Variants in THTPA observed in about 807,000 individuals in gnomAD.
THTPA encodes the protein thiamine triphosphatase, also known as thiamine-triphosphatase.
Under a neutral mutation model 16.5 loss-of-function variants are expected in THTPA, and 16 were observed. The observed-to-expected ratio is 0.97, with a 90% CI of 0.66 to 1.47. THTPA has a LOEUF of 1.47. Ranked by LOEUF, THTPA falls within the 40% of genes most tolerant of loss-of-function variation. The pLI is 0.00. For synonymous variants in THTPA, 110 were observed against 115.5 expected (o/e 0.95, Z 0.30); for missense variants, 281 against 280.9 (o/e 1.00, Z 0.00).
chr14:23,528,754 GAAA>G, the THTPA span: 1 of 985,266 alleles, frequency 1.0e-6, no homozygotes, highest in Non-Finnish European at 1.2e-6. Context: ...AGTGGCCCAG[GAAA>G]ATTCTGGCCC....
chr14:23,525,522 G>A, the THTPA span: 1 of 1,535,730 alleles, frequency 6.5e-7, no homozygotes, highest in Non-Finnish European at 8.7e-7. This position sits in a 1 kb window ranked among gnomAD's most constrained non-coding sequence, Gnocchi z 5.9. Context: ...CCACCCCCGA[G>A]GGCCTCAGGT....
At chr14:23,522,295 C>T in the THTPA span, 2 of 1,508,630 alleles carry the variant, frequency 1.3e-6, no homozygotes, top group Admixed American at 2.0e-5. Context: ...CCGGGGCCTC[C>T]CCGTCAAATG....
chr14:23,557,019 A>G lies in THTPA; in HGVS notation c.262A>G (p.Ile88Val), dbSNP rs779015745. 2 of 1,614,186 alleles carry G rather than the reference A, an allele frequency of 1.2e-6. No homozygotes were observed. Among genetic ancestry groups the G allele is most frequent in the Non-Finnish European group, 8.5e-7 (1 of 1,180,036 alleles). The change falls in exon 1 of 2, where the codon ATT (isoleucine) becomes GTT (valine). Residue 88 changes from isoleucine to valine, a missense_variant. By Grantham distance (29) the Ile-to-Val change is conservative. Transcript: ENST00000288014. ...EYKELTAEPT[I>V]VAQLCKVLRA... ...TAAGGAACTCACAGCGGAACCTACA[A>G]TTGTGGCCCAACTCTGTAAGGTGCT... is the stretch of plus-strand genomic sequence containing the variant.
At chr14:23,527,054 T>C in the THTPA span, 27 of 1,411,108 alleles carry the variant, frequency 1.9e-5, no homozygotes, top group African/African-American at 3.5e-4. Context: ...GCCCTACACC[T>C]GTACTTGTGC....
chr14:23,522,968 G>A, the THTPA span: 9 of 1,432,984 alleles, frequency 6.3e-6, no homozygotes, highest in African/African-American at 8.6e-5. Flanking sequence ...AAGGATGAAG[G>A]ATTAGCCATC....
chr14:23,525,787 A>C, the THTPA span: 1 of 1,495,772 alleles, frequency 6.7e-7, no homozygotes, highest in Non-Finnish European at 8.9e-7. This position sits in a 1 kb window ranked among gnomAD's most constrained non-coding sequence, Gnocchi z 5.9. Context: ...GGGACAGCAC[A>C]GGTGCAGGCC....
At chr14:23,527,284 C>G in the THTPA span, among the ~76,000 whole-genome samples, 3 of 152,214 alleles carry the variant, frequency 2.0e-5, no homozygotes, top group Non-Finnish European at 4.4e-5. Context: ...AAACAGAAGC[C>G]TCTGCCTCAT....
At chr14:23,552,999 A>C (rs1281247380), upstream of THTPA, among the ~76,000 whole-genome samples, 1 of 152,204 alleles carries the variant, frequency 6.6e-6, no homozygotes, top group Non-Finnish European at 1.5e-5. Context: ...CAATACCTCA[A>C]GCATGAGGTA....
At chr14:23,532,530 T>C in the THTPA span, 1 of 1,428,716 alleles carries the variant, frequency 7.0e-7, no homozygotes, top group Non-Finnish European at 9.1e-7. Flanking sequence ...CCCATTCCCT[T>C]CTCCTCTTCC....
At chr14:23,519,805 C>G in the THTPA span, among the ~76,000 whole-genome samples, 14 of 152,084 alleles carry the variant, frequency 9.2e-5, no homozygotes, top group Non-Finnish European at 1.3e-4. Flanking sequence ...AGTGATGTGA[C>G]TGATAGAGCA....
chr14:23,548,851 C>T, the THTPA span, among the ~76,000 whole-genome samples: 2 of 152,164 alleles, frequency 1.3e-5, no homozygotes, highest in East Asian at 3.9e-4. Flanking sequence ...CCCCCCGGCG[C>T]CCCCGCAGTG....
At chr14:23,526,489 C>T in the THTPA span, 1 of 1,536,040 alleles carries the variant, frequency 6.5e-7, no homozygotes, top group Non-Finnish European at 8.7e-7. Flanking sequence ...CAGTGGTCCC[C>T]TCTTCCTCCT....
the THTPA span, among the ~76,000 whole-genome samples, chr14:23,539,680 T>C: frequency 6.6e-6 from 1 of 152,162 alleles, no homozygotes; most frequent in Non-Finnish European, 1.5e-5. Flanking sequence ...GAGGCAAAGC[T>C]GACCAGGGGT....
chr14:23,547,015 A>T, the THTPA span, among the ~76,000 whole-genome samples: 1 of 152,164 alleles, frequency 6.6e-6, no homozygotes, highest in East Asian at 1.9e-4. Context: ...TCACCTCGTG[A>T]TTCCTGATTG....
the THTPA span, chr14:23,523,627 G>C: frequency 6.4e-7 from 1 of 1,557,270 alleles, no homozygotes. This position sits in a 1 kb window ranked among gnomAD's most constrained non-coding sequence, Gnocchi z 4.1. Flanking sequence ...TGACTCTCTT[G>C]GGCAGCCCAA....
chr14:23,534,024 G>A, the THTPA span: 2 of 1,536,570 alleles, frequency 1.3e-6, no homozygotes, highest in Non-Finnish European at 1.7e-6. The surrounding 1 kb of genome is among the most constrained non-coding windows in gnomAD (Gnocchi z 4.5). Flanking sequence ...ACAGGCTGAG[G>A]CCCTGGAAGG....
At position 23,557,217 on chromosome 14, in the gene THTPA, G is replaced by C. The variant is rs751320903; in HGVS notation, c.460G>C (p.Ala154Pro). 13 of 1,613,626 alleles carry C rather than the reference G, an allele frequency of 8.1e-6. No individual in the cohort carries two copies. Among genetic ancestry groups the C allele is most frequent in the Non-Finnish European group, 1.7e-6 (2 of 1,179,990 alleles). ...VDLDTADFGY[A>P]VGEVEALVHE... is the part of the protein sequence containing the mutation. Reference sequence around the variant, plus strand: ...CTTGGATACAGCCGACTTTGGCTACGCTGTGGGTGAGGTAGAGGCCCTGGT... The same window carrying C: ...CTTGGATACAGCCGACTTTGGCTACCCTGTGGGTGAGGTAGAGGCCCTGGT... Residue 154 changes from alanine (A) to proline (P), a missense_variant, in exon 1 of 2, where the codon GCT (alanine) becomes CCT (proline). Physicochemically the swap from Ala to Pro is conservative, Grantham distance 27. Transcript: ENST00000288014.
At position 23,560,014 on chromosome 14, in the gene THTPA, G is replaced by T; in HGVS notation, c.*1174G>T. ...AGCTGGAACTGTGTTCCCACTGGGG[G>T]CCTGCAGCTGCAGCTGGAGACTCTG... On this transcript the variant is annotated 3_prime_UTR_variant, in exon 2 of 2. Coordinates refer to ENST00000288014, the MANE Select transcript of THTPA (RefSeq NM_024328.6). 1 of 1,609,296 alleles carries T rather than the reference G, an allele frequency of 6.2e-7. No individual in the cohort carries two copies. The highest frequency in any genetic ancestry group is 1.7e-5 in the Admixed American group (1 of 59,762).
rs139409555 is a variant in THTPA, at chr14:23,559,046, G to A, written c.*206G>A. 6.2e-3 allele frequency: 3,789 copies of A among 609,580 alleles called. 119 individuals carry two copies. Among genetic ancestry groups the A allele is most frequent in the African/African-American group, 0.062 (3,325 of 53,864 alleles). The allele number at this position is 609,580 out of a possible 1,614,324, so 37.8% of individuals were successfully genotyped here. On this transcript the variant is annotated 3_prime_UTR_variant, in exon 2 of 2. Coordinates refer to ENST00000288014, the MANE Select transcript of THTPA (RefSeq NM_024328.6). ...CTCATCCGTCAGATGCAATCTGTGG[G>A]CCGCCCCTCTCCCCTGGCCGCTAAG... is the stretch of plus-strand genomic sequence containing the variant.
Sources: allele counts gnomAD v4.1 joint callset (sites outside exome capture counted in the v4.1 genomes callset), GRCh38; gene constraint gnomAD v4.1.1; non-coding constraint Gnocchi (gnomAD v3.1); transcripts MANE v1.5; gene names NCBI Gene and HGNC (gene_info 2026-07-23, HGNC 2026-07-21).